The following NUP133 variants were observed in gnomAD, a reference collection of about 807,000 sequenced individuals.
NUP133 encodes the protein nuclear pore complex protein Nup133.
NUP133 carries 66 observed loss-of-function variants against 146.2 expected under a neutral mutation model. The ratio of observed to expected loss-of-function variants is 0.45; its 90% CI spans 0.37 to 0.55. NUP133 has a LOEUF of 0.55. Among genes scored for constraint, NUP133 ranks in the 20% least tolerant of loss-of-function variants. The pLI is 0.00. For synonymous variants in NUP133, 521 were observed against 498.8 expected (o/e 1.04, Z -0.59); for missense variants, 1,277 against 1,374.8 (o/e 0.93, Z 1.12).
intron 21 of NUP133, among the ~76,000 whole-genome samples, chr1:229,456,828 C>CTTTT (rs34793471): frequency 7.2e-6 from 1 of 139,636 alleles, no homozygotes; most frequent in Non-Finnish European, 1.6e-5. Context: ...TAGAGAGAGA[C>CTTTT]TTTTTTTTTT....
chr1:229,440,300 A>C lies in NUP133; in HGVS notation c.*1604T>G, dbSNP rs1660152454. The C allele has an allele frequency of 6.6e-6, 1 of 152,250 alleles. No homozygotes were observed. The highest frequency in any genetic ancestry group is 2.4e-5 in the African/African-American group (1 of 41,464). 9.4% of individuals were successfully genotyped at this position (152,250 alleles called of 1,614,324 possible). A position where few individuals can be genotyped will look rare whatever the true frequency, so the allele number is the denominator to read the frequency against. On this transcript the variant is annotated 3_prime_UTR_variant, in exon 26 of 26. Coordinates refer to ENST00000261396, the MANE Select transcript of NUP133 (RefSeq NM_018230.3). The stretch of plus-strand genomic sequence containing the variant: ...TTTTTACTGTTAAAATAATTTTTAA[A>C]AACTCAACCATTTGGGTGTAATAGC...
intron 6 of NUP133, among the ~76,000 whole-genome samples, chr1:229,497,132 T>C (rs1661674757): frequency 6.6e-6 from 1 of 152,184 alleles, no homozygotes; most frequent in Non-Finnish European, 1.5e-5. Flanking sequence ...ACTGAGCAGG[T>C]ACCAGGAGCT....
intron 2 of NUP133, among the ~76,000 whole-genome samples, chr1:229,504,033 T>C (rs548827746): frequency 2.4e-4 from 37 of 152,294 alleles, no homozygotes; most frequent in African/African-American, 8.4e-4. Flanking sequence ...GAAAGGTTAG[T>C]AGTTGTCTGA....
chr1:229,507,500 T>C (rs1056653215), intron 1 of NUP133, among the ~76,000 whole-genome samples: 32 of 152,004 alleles, frequency 2.1e-4, no homozygotes, highest in African/African-American at 7.7e-4. Flanking sequence ...GTAACTAAAC[T>C]ATCACAGTAC....
rs764778885 is a variant in NUP133, at chr1:229,458,153, T to A, written c.2980+8A>T. On this transcript the variant is annotated splice_region_variant and intron_variant, in intron 21 of 25. Transcript: ENST00000261396. The stretch of plus-strand genomic sequence containing the variant: ...AATTTGTAAATCCTTTTGCTCAAAT[T>A]CTTTCACCTTCAATTTTTTCTTGTA... 6.2e-5 allele frequency: 100 copies of A among 1,607,688 alleles called. No homozygotes were observed. Among genetic ancestry groups the A allele is most frequent in the Non-Finnish European group, 8.0e-5 (94 of 1,176,282 alleles).
intron 21 of NUP133, among the ~76,000 whole-genome samples, chr1:229,457,384 G>GCCTCAGT (rs1456013884): frequency 6.6e-6 from 1 of 152,002 alleles, no homozygotes; most frequent in Non-Finnish European, 1.5e-5. Flanking sequence ...ATAGCATCAT[G>GCCTCAGT]CCTCAGTATC....
chr1:229,483,676 G>C (rs1661273482), intron 12 of NUP133, among the ~76,000 whole-genome samples: 1 of 132,212 alleles, frequency 7.6e-6, no homozygotes, highest in African/African-American at 2.9e-5. Context: ...CTGCACTCTA[G>C]CCTGGGCGAC....
At chr1:229,457,445 C>T (rs1328220) in intron 21 of NUP133, among the ~76,000 whole-genome samples, 6,811 of 152,166 alleles carry the variant, frequency 0.045, 460 homozygotes, top group African/African-American at 0.15. Context: ...GCTCAACTCC[C>T]TTATATAAAA....
At chr1:229,452,909 C>A (rs1405304498) in intron 21 of NUP133, among the ~76,000 whole-genome samples, 1 of 152,140 alleles carries the variant, frequency 6.6e-6, no homozygotes, top group Non-Finnish European at 1.5e-5. Context: ...TAAGGAAATA[C>A]GTTCAATGCT....
At chr1:229,469,480 G>T (rs1660903873) in intron 15 of NUP133, among the ~76,000 whole-genome samples, 2 of 152,184 alleles carry the variant, frequency 1.3e-5, no homozygotes, top group Non-Finnish European at 2.9e-5. Context: ...GGTAGCTGAG[G>T]AGTTCAGTGA....
Position 229,441,319 on chromosome 1 carries a change from T to C in NUP133, c.*585A>G. 2.2e-6 allele frequency: 1 copy of C among 453,650 alleles called. No homozygotes were observed. The highest frequency in any genetic ancestry group is 4.5e-6 in the Non-Finnish European group (1 of 220,778). The allele number at this position is 453,650 out of a possible 1,614,324, so 28.1% of individuals were successfully genotyped here. ...AAATACTTTCATTAGTGCTCATTTA[T>C]TATTTATGTAGAAAAGTTTAAAATG... is the stretch of plus-strand genomic sequence containing the variant. On this transcript the variant is annotated 3_prime_UTR_variant, in exon 26 of 26. Coordinates refer to ENST00000261396, the MANE Select transcript of NUP133 (RefSeq NM_018230.3).
At chr1:229,494,138 AT>A (rs1661593128) in intron 8 of NUP133, among the ~76,000 whole-genome samples, 1 of 152,202 alleles carries the variant, frequency 6.6e-6, no homozygotes, top group Non-Finnish European at 1.5e-5. Context: ...TCAAAAAAAA[AT>A]AAAAAGAAAA....
chr1:229,487,512 A>C lies in NUP133; in HGVS notation c.1296T>G (p.Thr432=), dbSNP rs1424752902. 2 of 1,613,572 alleles carry C rather than the reference A, an allele frequency of 1.2e-6. No individual in the cohort carries two copies. Among genetic ancestry groups the C allele is most frequent in the Non-Finnish European group, 1.7e-6 (2 of 1,179,916 alleles). The change falls in exon 10 of 26, where the codon ACT becomes ACG. Residue 432 remains threonine, a synonymous_variant. Coordinates refer to ENST00000261396, the MANE Select transcript of NUP133 (RefSeq NM_018230.3). ...ESAVYVCSTG[T]GKFSLPQEKI... ...TCTCCTGGGGAAGAGAAAATTTCCC[A>C]GTTCCTGTGGAGCACACATAGACAG... is the stretch of plus-strand genomic sequence containing the variant.
At chr1:229,498,501 C>T (rs775020365) in intron 5 of NUP133, among the ~76,000 whole-genome samples, 195 bp from the exon 6 acceptor site, 1 of 152,040 alleles carries the variant, frequency 6.6e-6, no homozygotes, top group East Asian at 1.9e-4. Context: ...CATAGAAAAA[C>T]TCTCATAAGA....
chr1:229,463,766 C>A, intron 18 of NUP133, 90 bp from the exon 19 acceptor site: 1 of 1,345,224 alleles, frequency 7.4e-7, no homozygotes, highest in South Asian at 1.5e-5. Flanking sequence ...TATCTTTATT[C>A]CTATTATAAA....
At chr1:229,449,873 ATTTTTTTT>A (rs71281043) in intron 23 of NUP133, among the ~76,000 whole-genome samples, 6 of 85,794 alleles carry the variant, frequency 7.0e-5, no homozygotes, top group South Asian at 4.2e-4. Context: ...ATATATATAT[ATTTTTTTT>A]TTTTTTTTTT....
At chr1:229,493,530 A>C (rs1176920926) in intron 8 of NUP133, among the ~76,000 whole-genome samples, 1 of 152,222 alleles carries the variant, frequency 6.6e-6, no homozygotes, top group Non-Finnish European at 1.5e-5. Context: ...ATGGACAACA[A>C]ATCAGTAGGT....
intron 21 of NUP133, among the ~76,000 whole-genome samples, chr1:229,457,861 C>T (rs904818150): frequency 6.6e-6 from 1 of 152,154 alleles, no homozygotes; most frequent in Non-Finnish European, 1.5e-5. Flanking sequence ...GTCAAGATTG[C>T]TTTGTAGTTC....
chr1:229,468,157 G>A (rs942984366), intron 15 of NUP133, among the ~76,000 whole-genome samples: 5 of 152,098 alleles, frequency 3.3e-5, no homozygotes, highest in Non-Finnish European at 5.9e-5. Context: ...AAAGTGGAGA[G>A]CGCACCCTCA....
Sources: gnomAD v4.1 joint callset for allele counts (sites outside exome capture counted in the v4.1 genomes callset) on GRCh38, gnomAD v4.1.1 for gene constraint, MANE v1.5 for transcripts, NCBI Gene and HGNC (gene_info 2026-07-23, HGNC 2026-07-21) for gene names.